The following ST8SIA4 variants were observed in gnomAD, a reference collection of about 807,000 sequenced individuals.
ST8SIA4 encodes the protein ST8 alpha-N-acetyl-neuraminide alpha-2,8-sialyltransferase 4.
ST8SIA4 carries 15 observed loss-of-function variants against 33.9 expected under a neutral mutation model. That is an observed-to-expected ratio of 0.44 (90% CI 0.30 to 0.68). ST8SIA4 has a LOEUF of 0.68. Among genes scored for constraint, ST8SIA4 ranks in the 30% least tolerant of loss-of-function variants. The pLI is 0.10. For missense variants in ST8SIA4, 321 were observed against 428.0 expected (o/e 0.75, Z 2.21); for synonymous variants, 171 against 151.2 (o/e 1.13, Z -0.96).
intron 4 of ST8SIA4, among the ~76,000 whole-genome samples, chr5:100,834,214 A>T (rs1343388194): frequency 1.3e-5 from 2 of 152,182 alleles, no homozygotes; most frequent in African/African-American, 4.8e-5. Context: ...AGAATAAAAG[A>T]ATAATAAAAC....
intron 3 of ST8SIA4, among the ~76,000 whole-genome samples, chr5:100,857,776 G>A (rs946336449): frequency 6.6e-6 from 1 of 151,616 alleles, no homozygotes; most frequent in Non-Finnish European, 1.5e-5. Context: ...CTAGATCTCC[G>A]ACAATATTTA....
intron 3 of ST8SIA4, among the ~76,000 whole-genome samples, chr5:100,866,075 C>A (rs2112451195): frequency 6.6e-6 from 1 of 152,186 alleles, no homozygotes; most frequent in East Asian, 1.9e-4. Context: ...TCAGTGCCTT[C>A]AGAATTAAGA....
chr5:100,812,184 A>G, intron 4 of ST8SIA4, 55 bp from the exon 5 acceptor site: 1 of 1,488,214 alleles, frequency 6.7e-7, no homozygotes, highest in Non-Finnish European at 9.1e-7. Context: ...CACATAGAGC[A>G]TATCCTATAG....
chr5:100,880,793 T>C (rs957139984), intron 3 of ST8SIA4, among the ~76,000 whole-genome samples: 8 of 152,174 alleles, frequency 5.3e-5, no homozygotes, highest in Non-Finnish European at 8.8e-5. Flanking sequence ...ATTGGTGATA[T>C]AATGCTAAGA....
chr5:100,832,563 G>A (rs1289365256), intron 4 of ST8SIA4, among the ~76,000 whole-genome samples: 1 of 152,082 alleles, frequency 6.6e-6, no homozygotes, highest in Non-Finnish European at 1.5e-5. Context: ...GCACTAAAAT[G>A]TATTGCAGCA....
At chr5:100,834,737 T>C (rs1302545424) in intron 4 of ST8SIA4, among the ~76,000 whole-genome samples, 1 of 152,042 alleles carries the variant, frequency 6.6e-6, no homozygotes, top group Non-Finnish European at 1.5e-5. Context: ...TAAAAGTGTG[T>C]ACCATCTCCC....
intron 3 of ST8SIA4, among the ~76,000 whole-genome samples, chr5:100,859,502 A>G (rs979046531): frequency 6.6e-6 from 1 of 152,124 alleles, no homozygotes; most frequent in South Asian, 2.1e-4. Context: ...AATTAGCTGT[A>G]TTAACAATAC....
chr5:100,902,610 G>A (rs1300864542), intron 1 of ST8SIA4, among the ~76,000 whole-genome samples: 3 of 152,092 alleles, frequency 2.0e-5, no homozygotes, highest in African/African-American at 4.8e-5. Flanking sequence ...GAGCACCCAG[G>A]GCCAACACAA....
intron 2 of ST8SIA4, chr5:100,890,454 A>C (rs553844993): frequency 6.6e-6 from 1 of 152,040 alleles, no homozygotes; most frequent in South Asian, 2.1e-4. Context: ...GTTTAACAGC[A>C]GGTCAAACAA....
At chr5:100,891,960 G>A (rs764040072) in intron 2 of ST8SIA4, among the ~76,000 whole-genome samples, 10 of 151,974 alleles carry the variant, frequency 6.6e-5, no homozygotes, top group Non-Finnish European at 1.5e-4. Flanking sequence ...AATTTTTCTT[G>A]TCAGTTAAGC....
chr5:100,862,086 A>G lies in ST8SIA4; in HGVS notation c.504-5690T>C, dbSNP rs1003310315. The stretch of plus-strand genomic sequence containing the variant: ...AGGAAGCCCAAACTTTATTTATAAC[A>G]CATTTAGTAAGCCATTGTGGCTGAA... On this transcript the variant is annotated intron_variant, in intron 3 of 4. Transcript: ENST00000231461. 1.2e-4 allele frequency among the ~76,000 whole-genome samples: 18 copies of G among 152,220 alleles called. 1 individual carries two copies. Among genetic ancestry groups the G allele is most frequent in the Non-Finnish European group, 2.4e-4 (16 of 68,040 alleles).
chr5:100,890,248 G>T (rs1485350265), intron 2 of ST8SIA4, among the ~76,000 whole-genome samples: 1 of 151,758 alleles, frequency 6.6e-6, no homozygotes, highest in African/African-American at 2.4e-5. Flanking sequence ...AGATGTAATG[G>T]CGAATTAAAA....
At chr5:100,843,648 T>G (rs1366004319) in intron 4 of ST8SIA4, among the ~76,000 whole-genome samples, 1 of 151,114 alleles carries the variant, frequency 6.6e-6, no homozygotes, top group Non-Finnish European at 1.5e-5. Context: ...AGAGCAATGA[T>G]TTGTCACTTA....
chr5:100,835,022 A>G (rs1751340772), intron 4 of ST8SIA4, among the ~76,000 whole-genome samples: 1 of 152,152 alleles, frequency 6.6e-6, no homozygotes, highest in Non-Finnish European at 1.5e-5. Context: ...GGTGAAATGA[A>G]AAACAAACAA....
At position 100,882,190 on chromosome 5, in the gene ST8SIA4, G is replaced by T. The variant is rs565710230; in HGVS notation, c.503+4153C>A. On this transcript the variant is annotated intron_variant, in intron 3 of 4. Coordinates refer to ENST00000231461, the MANE Select transcript of ST8SIA4 (RefSeq NM_005668.6). The stretch of plus-strand genomic sequence containing the variant: ...TGACCAAAAGCCTGATCGCAATATG[G>T]ATAATAAGGTTCAGGCTGAGGTGGT... 3.3e-5 allele frequency among the ~76,000 whole-genome samples: 5 copies of T among 152,324 alleles called. No homozygotes were observed. The East Asian group carries it at 9.6e-4, about 29-fold the overall frequency.
intron 4 of ST8SIA4, among the ~76,000 whole-genome samples, chr5:100,842,657 G>A (rs1043269656): frequency 6.6e-6 from 1 of 151,660 alleles, no homozygotes; most frequent in African/African-American, 2.4e-5. Flanking sequence ...TTTTATATGT[G>A]CCTATAAAAT....
At chr5:100,902,675 A>G (rs1202512941) in intron 1 of ST8SIA4, among the ~76,000 whole-genome samples, 168 bp downstream of exon 1, 2 of 152,186 alleles carry the variant, frequency 1.3e-5, no homozygotes, top group Admixed American at 1.3e-4. Context: ...CAGCTTAGAG[A>G]AGCACGCACA....
rs560848485 is a variant in ST8SIA4 at position 100,827,840 on chromosome 5, C to T, written c.798-15711G>A. 5.9e-5 allele frequency among the ~76,000 whole-genome samples: 9 copies of T among 152,292 alleles called. No individual in the cohort carries two copies. In the East Asian group the frequency reaches 7.7e-4, roughly 13 times the overall value. On this transcript the variant is annotated intron_variant, in intron 4 of 4. Transcript: ENST00000231461. ...CACTGACATTCACAGCAACAATCTA[C>T]GGCTCTACAAGAACAGGGCAAAGTG...
At chr5:100,894,854 C>T (rs543129149) in intron 2 of ST8SIA4, among the ~76,000 whole-genome samples, 11 of 152,136 alleles carry the variant, frequency 7.2e-5, no homozygotes, top group South Asian at 2.1e-4. Flanking sequence ...TATTAATTGA[C>T]TTTTGGATTA....
Sources: gnomAD v4.1 joint callset for allele counts (sites outside exome capture counted in the v4.1 genomes callset) on GRCh38, gnomAD v4.1.1 for gene constraint, MANE v1.5 for transcripts, NCBI Gene and HGNC (gene_info 2026-07-23, HGNC 2026-07-21) for gene names.